Variants in TPST1 observed in about 807,000 individuals in gnomAD.
TPST1 encodes tyrosylprotein sulfotransferase 1.
In TPST1, 20 loss-of-function variants were observed where a neutral mutation model predicts 34.8. That is an observed-to-expected ratio of 0.57 (90% CI 0.40 to 0.84). The LOEUF is 0.84. Among genes scored for constraint, TPST1 ranks in the 40% least tolerant of loss-of-function variants. TPST1 has a pLI of 0.00. For synonymous variants in TPST1, 152 were observed against 159.4 expected (o/e 0.95, Z 0.35); for missense variants, 353 against 455.5 (o/e 0.78, Z 2.05).
intron 3 of TPST1, among the ~76,000 whole-genome samples, chr7:66,308,642 A>T (rs1368697569): frequency 2.0e-5 from 3 of 152,202 alleles, no homozygotes; most frequent in Non-Finnish European, 2.9e-5. Context: ...GCTGTGACTC[A>T]GAGATCTTTT....
At chr7:66,222,385 CAA>C (rs751381011) in intron 1 of TPST1, among the ~76,000 whole-genome samples, 164 of 97,010 alleles carry the variant, frequency 1.7e-3, no homozygotes, top group African/African-American at 5.5e-3. Context: ...GACTCCGTTT[CAA>C]AAAAAAAAAA....
intron 3 of TPST1, among the ~76,000 whole-genome samples, chr7:66,302,459 T>A (rs1791336407): frequency 6.6e-6 from 1 of 152,196 alleles, no homozygotes; most frequent in Non-Finnish European, 1.5e-5. Context: ...CCACCAGCAC[T>A]TACTAAGATT....
intron 1 of TPST1, among the ~76,000 whole-genome samples, chr7:66,224,502 A>G (rs911772068): frequency 6.6e-6 from 1 of 152,156 alleles, no homozygotes; most frequent in Non-Finnish European, 1.5e-5. Context: ...TTGCTAGGAC[A>G]TGTCCCCAGC....
At chr7:66,353,751 G>T (rs1177017044) in intron 4 of TPST1, among the ~76,000 whole-genome samples, 3 of 152,196 alleles carry the variant, frequency 2.0e-5, no homozygotes, top group Non-Finnish European at 2.9e-5. Flanking sequence ...CTTGTCAATA[G>T]GAAGAGGAGA....
chr7:66,336,126 T>C (rs1818045), intron 3 of TPST1, among the ~76,000 whole-genome samples: 136,406 of 152,172 alleles, frequency 0.9, 61,313 homozygotes, highest in African/African-American at 0.94. Flanking sequence ...CTGGCTAACA[T>C]GGTGAAACCC....
rs540486792 is a variant in TPST1 at position 66,227,233 on chromosome 7, A to C, written c.-101-13092A>C. ...TTTTTAGTAGAGACGGGGTTTCACCATCTTGGTCAGGCTGGTCTTGAACTC... is the reference window on the plus strand; with the variant it reads ...TTTTTAGTAGAGACGGGGTTTCACCCTCTTGGTCAGGCTGGTCTTGAACTC... On this transcript the variant is annotated intron_variant, in intron 1 of 5. Coordinates refer to ENST00000304842, the MANE Select transcript of TPST1 (RefSeq NM_003596.4). 1.8e-4 allele frequency among the ~76,000 whole-genome samples: 28 copies of C among 151,754 alleles called. 1 individual carries two copies. The South Asian group carries it at 5.6e-3, about 30-fold the overall frequency.
chr7:66,238,418 T>G (rs1789956385), intron 1 of TPST1, among the ~76,000 whole-genome samples: 1 of 151,904 alleles, frequency 6.6e-6, no homozygotes, highest in African/African-American at 2.4e-5. Context: ...CTTTTTTTTT[T>G]TTTTTTTTAG....
intron 3 of TPST1, among the ~76,000 whole-genome samples, chr7:66,303,400 T>TGTATGTATGTATGTATGTATGTAG (rs1791358066): frequency 6.6e-6 from 1 of 151,956 alleles, no homozygotes; most frequent in African/African-American, 2.4e-5. Context: ...TGTGTATGTA[T>TGTATGTATGTATGTATGTATGTAG]GTATGTATGT....
At chr7:66,296,273 G>T (rs1235012194) in intron 3 of TPST1, among the ~76,000 whole-genome samples, 1 of 79,994 alleles carries the variant, frequency 1.3e-5, no homozygotes, top group Non-Finnish European at 2.4e-5. Context: ...CACCGTCTCT[G>T]CCTATCTTTA....
intron 2 of TPST1, among the ~76,000 whole-genome samples, chr7:66,250,566 G>T (rs1790241731): frequency 6.6e-6 from 1 of 152,070 alleles, no homozygotes; most frequent in Non-Finnish European, 1.5e-5. Context: ...CTGGAAATGG[G>T]AATGATAATA....
intron 3 of TPST1, among the ~76,000 whole-genome samples, chr7:66,308,883 T>A (rs1002581198): frequency 6.6e-6 from 1 of 152,162 alleles, no homozygotes; most frequent in Non-Finnish European, 1.5e-5. Flanking sequence ...CCAGTATTCC[T>A]TATTTTCTAA....
In TPST1 at chr7:66,292,812, C is replaced by T. The variant is rs529069446; in HGVS notation, c.1044+6103C>T. On this transcript the variant is annotated intron_variant, in intron 3 of 5. Transcript: ENST00000304842. ...CTCAGATGGAAATGCAGAAATCACC[C>T]GTCTTCTGCGTCGCTCACGCTGGGA... Among the ~76,000 whole-genome samples, 318 of 151,204 alleles carry T rather than the reference C, an allele frequency of 2.1e-3. 2 individuals are homozygous for T. The highest frequency in any genetic ancestry group is 7.5e-3 in the African/African-American group (310 of 41,184).
intron 3 of TPST1, among the ~76,000 whole-genome samples, chr7:66,306,141 GTC>G (rs144444657): frequency 1.0e-3 from 150 of 148,354 alleles, no homozygotes; most frequent in Non-Finnish European, 1.0e-3. Flanking sequence ...GAGTGTGCAC[GTC>G]TCTCTCTCTC....
At chr7:66,305,661 CA>C (rs1791407570) in intron 3 of TPST1, among the ~76,000 whole-genome samples, 1 of 152,172 alleles carries the variant, frequency 6.6e-6, no homozygotes, top group South Asian at 2.1e-4. Context: ...GCTCTCTGTT[CA>C]GTGGAAATAA....
In TPST1 at chr7:66,240,391, A is replaced by C; in HGVS notation, c.-35A>C. On this transcript the variant is annotated 5_prime_UTR_variant, in exon 2 of 6. Transcript: ENST00000304842. The stretch of plus-strand genomic sequence containing the variant: ...CATTTTCCGAAAATCATTTTGAGCA[A>C]AATATCTGTTTAATAACAAGATAAC... 6.3e-7 allele frequency: 1 copy of C among 1,589,974 alleles called. No homozygotes were observed. The highest frequency in any genetic ancestry group is 8.6e-7 in the Non-Finnish European group (1 of 1,166,866).
intron 3 of TPST1, among the ~76,000 whole-genome samples, chr7:66,346,565 C>T (rs1037156573): frequency 1.3e-5 from 2 of 152,116 alleles, no homozygotes; most frequent in African/African-American, 4.8e-5. Flanking sequence ...TGATTTGCAT[C>T]TCCCTGATGG....
At chr7:66,323,713 A>G (rs1164656371) in intron 3 of TPST1, among the ~76,000 whole-genome samples, 2 of 152,246 alleles carry the variant, frequency 1.3e-5, no homozygotes, top group African/African-American at 4.8e-5. Flanking sequence ...CCCAATTAGT[A>G]GTTTAAGTCA....
intron 3 of TPST1, among the ~76,000 whole-genome samples, chr7:66,317,743 T>C (rs1229815863): frequency 2.0e-5 from 3 of 152,232 alleles, no homozygotes; most frequent in African/African-American, 7.2e-5. Context: ...ATGCTTTTTA[T>C]TTTTCCCACT....
Position 66,292,782 on chromosome 7 carries a change from G to A in TPST1, c.1044+6073G>A, listed in dbSNP as rs1486902765. 8.7e-4 allele frequency among the ~76,000 whole-genome samples: 129 copies of A among 147,882 alleles called. 1 individual carries two copies. In the South Asian group the frequency reaches 0.013, roughly 14 times the overall value. On this transcript the variant is annotated intron_variant, in intron 3 of 5. Transcript: ENST00000304842. ...TGGCACTCCCTAGTGAGATGAACCCGGTACCTCAGATGGAAATGCAGAAAT... is the reference window on the plus strand; with the variant it reads ...TGGCACTCCCTAGTGAGATGAACCCAGTACCTCAGATGGAAATGCAGAAAT...
Sources: allele counts gnomAD v4.1 joint callset (sites outside exome capture counted in the v4.1 genomes callset), GRCh38; gene constraint gnomAD v4.1.1; transcripts MANE v1.5; gene names NCBI Gene and HGNC (gene_info 2026-07-23, HGNC 2026-07-21).